Variants in SYCE1L observed in about 807,000 individuals in gnomAD.
SYCE1L encodes the protein synaptonemal complex central element protein 1-like.
A neutral mutation model predicts 39.6 loss-of-function variants in SYCE1L; 51 were observed. The ratio of observed to expected loss-of-function variants is 1.29; its 90% CI spans 1.03 to 1.63. The LOEUF (loss-of-function observed/expected upper bound fraction) is 1.63. Ranked by LOEUF, SYCE1L falls within the 40% of genes most tolerant of loss-of-function variation. The pLI is 0.00. For missense variants in SYCE1L, 426 were observed against 304.9 expected, an observed-to-expected ratio of 1.40 and a Z score of -2.96; for synonymous variants, 147 against 122.4, an observed-to-expected ratio of 1.20 and a Z score of -1.33.
chr16:77,204,987 G>A (rs1223812500), intron 1 of SYCE1L, among the ~76,000 whole-genome samples: 3 of 150,004 alleles, frequency 2.0e-5, no homozygotes, highest in Admixed American at 1.3e-4. Context: ...AGAGGTTGCA[G>A]TGAGCTGAGA....
chr16:77,208,064 A>C (rs2054797733), intron 2 of SYCE1L, 146 bp from the exon 3 acceptor site: 1 of 767,586 alleles, frequency 1.3e-6, no homozygotes, highest in Non-Finnish European at 2.0e-6. Flanking sequence ...CAAGCCCTTC[A>C]AGGGGCTCTG....
chr16:77,201,067 G>C (rs559936309), intron 1 of SYCE1L: 7 of 152,262 alleles, frequency 4.6e-5, no homozygotes, highest in African/African-American at 1.7e-4. Flanking sequence ...CCTGACCTAG[G>C]ATGTGAGCTC....
intron 1 of SYCE1L, among the ~76,000 whole-genome samples, chr16:77,204,500 G>C (rs1336562972): frequency 6.6e-6 from 1 of 152,200 alleles, no homozygotes; most frequent in Non-Finnish European, 1.5e-5. Flanking sequence ...GGAAGACCCA[G>C]TTTGTGGTAC....
chr16:77,212,995 T>C lies in SYCE1L; in HGVS notation c.*64T>C. On this transcript the variant is annotated 3_prime_UTR_variant, in exon 11 of 11. Transcript: ENST00000378644. The stretch of plus-strand genomic sequence containing the variant: ...CCCGCCAAGAAATAAAGGCGATGAT[T>C]TCCGACCATGCTCGCGTTCTCCGCG... The C allele has an allele frequency of 7.1e-7, 1 of 1,408,388 alleles. No individual in the cohort carries two copies. Among genetic ancestry groups the C allele is most frequent in the Non-Finnish European group, 9.4e-7 (1 of 1,065,286 alleles). The allele number at this position is 1,408,388 out of a possible 1,614,324, so 87.2% of individuals were successfully genotyped here. A position where few individuals can be genotyped will look rare whatever the true frequency, so the allele number is the denominator to read the frequency against.
intron 2 of SYCE1L, among the ~76,000 whole-genome samples, chr16:77,207,496 G>A (rs141901713): frequency 6.6e-6 from 1 of 152,348 alleles, no homozygotes; most frequent in South Asian, 2.1e-4. Context: ...GCCACCAACA[G>A]TGTAAAAGCA....
intron 5 of SYCE1L, 87 bp downstream of exon 5, chr16:77,209,231 T>C (rs764839836): frequency 1.4e-6 from 2 of 1,472,152 alleles, no homozygotes; most frequent in African/African-American, 1.4e-5. Context: ...GGAATCCCAC[T>C]GAAACCTAAG....
intron 6 of SYCE1L, 133 bp downstream of exon 6, chr16:77,209,604 A>G: frequency 1.1e-6 from 1 of 937,610 alleles, no homozygotes; most frequent in Non-Finnish European, 1.6e-6. Flanking sequence ...GCCTGACAAA[A>G]GATTTCCTTG....
chr16:77,200,291 T>TATATATATATATATGTATATATATATAC, intron 1 of SYCE1L: 1 of 111,430 alleles, frequency 9.0e-6, no homozygotes, highest in African/African-American at 3.4e-5. Flanking sequence ...TATATATATA[T>TATATATATATATATGTATATATATATAC]ACACACACTA....
chr16:77,206,561 C>A (rs1597383748), intron 2 of SYCE1L, 61 bp downstream of exon 2: 1 of 1,502,062 alleles, frequency 6.7e-7, no homozygotes, highest in Non-Finnish European at 9.1e-7. Flanking sequence ...AGACATGGTA[C>A]AAATTCAGCC....
At chr16:77,205,445 T>G (rs1262974066) in intron 1 of SYCE1L, among the ~76,000 whole-genome samples, 1 of 149,590 alleles carries the variant, frequency 6.7e-6, no homozygotes, top group African/African-American at 2.4e-5. Flanking sequence ...TATATATATA[T>G]ATATGTATAC....
In SYCE1L at chr16:77,206,482, G is replaced by A. The variant is rs1183850229; in HGVS notation, c.103G>A (p.Val35Met). 1.5e-5 allele frequency: 24 copies of A among 1,551,746 alleles called. No individual in the cohort carries two copies. Among genetic ancestry groups the A allele is most frequent in the Non-Finnish European group, 2.1e-5 (24 of 1,147,020 alleles). Residue 35 changes from valine to methionine, a missense_variant, in exon 2 of 11, where the codon GTG (valine) becomes ATG (methionine). Transcript: ENST00000378644. ...GAAGACTGAAGACTTGCTGGCAATG[G>A]TGATAAAGCTGCAGAAAGGTCATGT... ...SLKTEDLLAM[V>M]IKLQKEGSLE... is the part of the protein sequence containing the mutation.
Position 77,212,972 on chromosome 16 carries a change from C to T in SYCE1L, c.*41C>T. The T allele has an allele frequency of 6.9e-7, 1 of 1,451,846 alleles. No individual in the cohort carries two copies. The highest frequency in any genetic ancestry group is 9.1e-7 in the Non-Finnish European group (1 of 1,094,486). The allele number at this position is 1,451,846 out of a possible 1,614,324, so 89.9% of individuals were successfully genotyped here. A position where few individuals can be genotyped will look rare whatever the true frequency, so the allele number is the denominator to read the frequency against. On this transcript the variant is annotated 3_prime_UTR_variant, in exon 11 of 11. Coordinates refer to ENST00000378644, the MANE Select transcript of SYCE1L (RefSeq NM_001129979.3). ...CCGTTCCCGACCTTCCCTCGAGACCCGCCAAGAAATAAAGGCGATGATTTC... is the reference window on the plus strand; with the variant it reads ...CCGTTCCCGACCTTCCCTCGAGACCTGCCAAGAAATAAAGGCGATGATTTC...
Position 77,212,704 on chromosome 16 carries a change from G to A in SYCE1L, c.654+58G>A, listed in dbSNP as rs1233546368. On this transcript the variant is annotated intron_variant, in intron 10 of 10. Transcript: ENST00000378644. ...CAGGGACCGAGTCAGGAGAGAGCGG[G>A]CGGGGGTCCTGGGAGCGGCCCCCGA... 6.8e-6 allele frequency: 10 copies of A among 1,468,112 alleles called. No homozygotes were observed. In the East Asian group the frequency reaches 2.3e-4, roughly 34 times the overall value. The allele number at this position is 1,468,112 out of a possible 1,614,324, so 90.9% of individuals were successfully genotyped here. A position where few individuals can be genotyped will look rare whatever the true frequency, so the allele number is the denominator to read the frequency against.
At position 77,203,156 on chromosome 16, in the gene SYCE1L, C is replaced by T. The variant is rs191614408; in HGVS notation, c.62-3285C>T. ...GTTTGAATTTTCTTAGAATTTTACTCGAATAAGAAAGTAAAAATTAAAGCA... is the reference window on the plus strand; with the variant it reads ...GTTTGAATTTTCTTAGAATTTTACTTGAATAAGAAAGTAAAAATTAAAGCA... On this transcript the variant is annotated intron_variant, in intron 1 of 10. Transcript: ENST00000378644. Among the ~76,000 whole-genome samples the T allele has an allele frequency of 9.9e-5, 15 of 152,056 alleles. No individual in the cohort carries two copies. In the East Asian group the frequency reaches 2.9e-3, roughly 29 times the overall value.
At chr16:77,201,857 A>G (rs1418755057) in intron 1 of SYCE1L, 2 of 152,174 alleles carry the variant, frequency 1.3e-5, no homozygotes, top group Middle Eastern at 3.2e-3. Context: ...TTGACACACA[A>G]GGAGCTCCAA....
intron 1 of SYCE1L, chr16:77,200,747 A>T (rs2054731293): frequency 1.3e-3 from 2 of 1,526 alleles, no homozygotes; most frequent in South Asian, 0.083. Context: ...CAGAGTGAGC[A>T]AAAAAAAAAA....
Position 77,212,522 on chromosome 16 carries a change from T to G in SYCE1L, c.582-52T>G, listed in dbSNP as rs1026609046. On this transcript the variant is annotated intron_variant, in intron 9 of 10. Coordinates refer to ENST00000378644, the MANE Select transcript of SYCE1L (RefSeq NM_001129979.3). Reference sequence around the variant, plus strand: ...CCGCGTCTCGGTGGCTTCCTCCTCGTCCCCTGGACTCTCGCTCTCTTCCTC... The same window carrying G: ...CCGCGTCTCGGTGGCTTCCTCCTCGGCCCCTGGACTCTCGCTCTCTTCCTC... 2.6e-6 allele frequency: 4 copies of G among 1,537,522 alleles called. No individual in the cohort carries two copies. The African/African-American group carries it at 5.5e-5, about 21-fold the overall frequency.
rs2054829989 is a variant in SYCE1L, at chr16:77,212,336, C to T, written c.548C>T (p.Pro183Leu). The T allele has an allele frequency of 1.3e-6, 2 of 1,525,290 alleles. No homozygotes were observed. The highest frequency in any genetic ancestry group is 2.2e-5 in the Admixed American group (1 of 45,294). The allele number at this position is 1,525,290 out of a possible 1,614,324, so 94.5% of individuals were successfully genotyped here. ...REVERRLHSPPEVEGAMAVND... is the reference protein window; with the variant it reads ...REVERRLHSPLEVEGAMAVND... Reference sequence around the variant, plus strand: ...GTGGAGCGGCGGCTGCACTCGCCGCCTGAGGTCGAGGGCGCCATGGCGGTG... The same window carrying T: ...GTGGAGCGGCGGCTGCACTCGCCGCTTGAGGTCGAGGGCGCCATGGCGGTG... Residue 183 changes from proline to leucine, a missense_variant, in exon 9 of 11, where the codon CCT becomes CTT. Coordinates refer to ENST00000378644, the MANE Select transcript of SYCE1L (RefSeq NM_001129979.3).
At position 77,213,005 on chromosome 16, in the gene SYCE1L, G is replaced by C; in HGVS notation, c.*74G>C. 1 of 1,385,500 alleles carries C rather than the reference G, an allele frequency of 7.2e-7. No individual in the cohort carries two copies. The highest frequency in any genetic ancestry group is 9.5e-7 in the Non-Finnish European group (1 of 1,049,168). The allele number at this position is 1,385,500 out of a possible 1,614,324, so 85.8% of individuals were successfully genotyped here. A position where few individuals can be genotyped will look rare whatever the true frequency, so the allele number is the denominator to read the frequency against. On this transcript the variant is annotated 3_prime_UTR_variant, in exon 11 of 11. Coordinates refer to ENST00000378644, the MANE Select transcript of SYCE1L (RefSeq NM_001129979.3). ...AATAAAGGCGATGATTTCCGACCAT[G>C]CTCGCGTTCTCCGCGGAGTCTGTGC...
Sources: gnomAD v4.1 joint callset for allele counts (sites outside exome capture counted in the v4.1 genomes callset) on GRCh38, gnomAD v4.1.1 for gene constraint, MANE v1.5 for transcripts, NCBI Gene and HGNC (gene_info 2026-07-23, HGNC 2026-07-21) for gene names.